The following RAB3B variants were observed in gnomAD, a reference collection of about 807,000 sequenced individuals.
RAB3B encodes the protein ras-related protein Rab-3B.
A neutral mutation model predicts 20.5 loss-of-function variants in RAB3B; 11 were observed. That is an observed-to-expected ratio of 0.54 (90% CI 0.34 to 0.89). The LOEUF (loss-of-function observed/expected upper bound fraction) is 0.89, where lower values mean the gene tolerates loss of function less well. Ranked by LOEUF, RAB3B falls within the 40% of genes least tolerant of loss-of-function variation. The pLI is 0.02. For synonymous variants in RAB3B, 99 were observed against 106.3 expected (o/e 0.93, Z 0.42); for missense variants, 225 against 280.9 (o/e 0.80, Z 1.42).
intron 1 of RAB3B, among the ~76,000 whole-genome samples, chr1:51,988,491 T>C (rs969261580): frequency 2.0e-5 from 3 of 152,246 alleles, no homozygotes; most frequent in Non-Finnish European, 4.4e-5. Context: ...TGGAAAGAGA[T>C]AGCCATGGGT....
At chr1:51,973,682 C>T (rs1005804896) in intron 2 of RAB3B, 5 of 152,148 alleles carry the variant, frequency 3.3e-5, no homozygotes, top group Non-Finnish European at 5.9e-5. Context: ...CTTTAAAAGC[C>T]ACATATCCAT....
chr1:51,929,383 A>C (rs1571958766), intron 4 of RAB3B, among the ~76,000 whole-genome samples: 1 of 151,690 alleles, frequency 6.6e-6, no homozygotes, highest in African/African-American at 2.4e-5. Flanking sequence ...GCTGGAGTGC[A>C]GTGGGGCAAT....
At chr1:51,928,232 G>A (rs1469084010) in intron 4 of RAB3B, among the ~76,000 whole-genome samples, 1 of 152,024 alleles carries the variant, frequency 6.6e-6, no homozygotes, top group African/African-American at 2.4e-5. Context: ...TCAGCCTCTC[G>A]AGTAGCTGGG....
chr1:51,949,017 C>A (rs1331047229), intron 2 of RAB3B, among the ~76,000 whole-genome samples: 2 of 152,190 alleles, frequency 1.3e-5, no homozygotes, highest in Admixed American at 6.5e-5. Context: ...AAAATCCAAA[C>A]CTTCCCATCT....
intron 1 of RAB3B, among the ~76,000 whole-genome samples, chr1:51,985,849 T>TAAAAAAAA (rs562172384): frequency 8.2e-6 from 1 of 122,312 alleles, no homozygotes. Context: ...ATCTTACAGG[T>TAAAAAAAA]AAAAAAAAAA....
chr1:51,981,024 T>TTTTTA (rs950916409), intron 1 of RAB3B, among the ~76,000 whole-genome samples: 20 of 152,272 alleles, frequency 1.3e-4, no homozygotes, highest in Middle Eastern at 6.8e-3. Flanking sequence ...ATTATTATTA[T>TTTTTA]TTTTATTTTA....
chr1:51,972,300 G>A (rs1048921968), intron 2 of RAB3B, among the ~76,000 whole-genome samples: 1 of 152,178 alleles, frequency 6.6e-6, no homozygotes, highest in Non-Finnish European at 1.5e-5. Context: ...AAGGATAAGA[G>A]GGGACAGCAA....
At chr1:51,934,800 C>G (rs1161703775) in intron 3 of RAB3B, among the ~76,000 whole-genome samples, 2 of 141,682 alleles carry the variant, frequency 1.4e-5, no homozygotes, top group East Asian at 4.2e-4. Flanking sequence ...AAAAAAAAAC[C>G]TTTTCAAATT....
At chr1:51,979,016 C>G (rs943702077) in intron 1 of RAB3B, among the ~76,000 whole-genome samples, 13 of 152,318 alleles carry the variant, frequency 8.5e-5, no homozygotes, top group African/African-American at 2.9e-4. Context: ...GTTCCCAGCT[C>G]TCAATCCTTA....
At chr1:51,946,217 G>A (rs1467660637) in intron 2 of RAB3B, among the ~76,000 whole-genome samples, 1 of 152,116 alleles carries the variant, frequency 6.6e-6, no homozygotes, top group Non-Finnish European at 1.5e-5. Context: ...CATAGTAAGT[G>A]CTGCTATTAC....
chr1:51,946,702 CT>C (rs1214145571), intron 2 of RAB3B, among the ~76,000 whole-genome samples: 1 of 152,174 alleles, frequency 6.6e-6, no homozygotes, highest in Non-Finnish European at 1.5e-5. Flanking sequence ...TTGGTAAGTG[CT>C]TTATATATGA....
At chr1:51,987,166 C>T (rs918553065) in intron 1 of RAB3B, among the ~76,000 whole-genome samples, 4 of 152,174 alleles carry the variant, frequency 2.6e-5, no homozygotes, top group Non-Finnish European at 4.4e-5. Context: ...AAGAAGCCAA[C>T]TTCAGCCAGG....
At chr1:51,936,117 T>C (rs1159527832) in intron 3 of RAB3B, among the ~76,000 whole-genome samples, 1 of 152,196 alleles carries the variant, frequency 6.6e-6, no homozygotes, top group Non-Finnish European at 1.5e-5. Context: ...AGCCCAGCAC[T>C]GGCCAGCACT....
rs1684513194 is a variant in RAB3B, at chr1:51,942,871, A to G, written c.229-5459T>C. ...TTCTCACAATATTTCAAGTCTTTTCATTATTATTATATCTGTCATGTTTAT... is the reference window on the plus strand; with the variant it reads ...TTCTCACAATATTTCAAGTCTTTTCGTTATTATTATATCTGTCATGTTTAT... On this transcript the variant is annotated intron_variant, in intron 2 of 4. Transcript: ENST00000371655. 2.0e-5 allele frequency among the ~76,000 whole-genome samples: 3 copies of G among 151,896 alleles called. No homozygotes were observed. In the South Asian group the frequency reaches 6.2e-4, roughly 32 times the overall value.
chr1:51,972,489 CTTTTTTTT>C (rs1160625371), intron 2 of RAB3B, among the ~76,000 whole-genome samples: 2 of 130,868 alleles, frequency 1.5e-5, no homozygotes, highest in African/African-American at 2.8e-5. Flanking sequence ...TTTCTTTTTT[CTTTTTTTT>C]TTTTTTTTTG....
At chr1:51,946,506 G>A (rs1348653751) in intron 2 of RAB3B, among the ~76,000 whole-genome samples, 2 of 152,206 alleles carry the variant, frequency 1.3e-5, no homozygotes, top group African/African-American at 2.4e-5. Context: ...AGAGAAATCA[G>A]TTCACTTCTA....
At position 51,937,400 on chromosome 1, in the gene RAB3B, G is replaced by C; in HGVS notation, c.241C>G (p.Gln81Glu). 1 of 1,598,690 alleles carries C rather than the reference G, an allele frequency of 6.3e-7. No individual in the cohort carries two copies. The stretch of plus-strand genomic sequence containing the variant: ...GTTGTGATGGTCCGGTACCGCTCCT[G>C]CCCAGCTGTGTCCTGGGCAGGAAAA... ...VKLQIWDTAG[Q>E]ERYRTITTAY... The change falls in exon 3 of 5, where the codon CAG becomes GAG. Residue 81 changes from glutamine to glutamate, a missense_variant. Physicochemically the swap from Gln to Glu is conservative, Grantham distance 29. Coordinates refer to ENST00000371655, the MANE Select transcript of RAB3B (RefSeq NM_002867.4).
At chr1:51,983,074 C>T (rs1403091740) in intron 1 of RAB3B, among the ~76,000 whole-genome samples, 1 of 152,032 alleles carries the variant, frequency 6.6e-6, no homozygotes, top group East Asian at 1.9e-4. Context: ...CATATTATGC[C>T]TGGGTGCAGT....
intron 2 of RAB3B, among the ~76,000 whole-genome samples, chr1:51,970,391 C>A (rs764886181): frequency 2.0e-5 from 3 of 152,160 alleles, no homozygotes; most frequent in Non-Finnish European, 2.9e-5. Flanking sequence ...GGCTTCTCTC[C>A]TATCCCTACC....
Sources: allele counts gnomAD v4.1 joint callset (sites outside exome capture counted in the v4.1 genomes callset), GRCh38; gene constraint gnomAD v4.1.1; transcripts MANE v1.5; gene names NCBI Gene and HGNC (gene_info 2026-07-23, HGNC 2026-07-21).